ANXA8: variants seen among roughly 807,000 people sequenced by gnomAD.
ANXA8 encodes the protein annexin A8.
In ANXA8, 9 loss-of-function variants were observed where a neutral mutation model predicts 26.8. The ratio of observed to expected loss-of-function variants is 0.34; its 90% CI spans 0.20 to 0.59. ANXA8 has a LOEUF of 0.59. Ranked by LOEUF, ANXA8 falls within the 20% of genes least tolerant of loss-of-function variation. The probability of loss-of-function intolerance (pLI) is 0.84; values close to 1 mark genes in which losing one functional copy is unlikely to be tolerated. For synonymous variants in ANXA8, 39 were observed against 94.8 expected, an observed-to-expected ratio of 0.41 and a Z score of 3.42; for missense variants, 83 against 238.5, an observed-to-expected ratio of 0.35 and a Z score of 4.29.
the ANXA8 span, among the ~76,000 whole-genome samples, chr10:47,898,994 C>A: frequency 5.3e-5 from 8 of 149,562 alleles, no homozygotes; most frequent in Non-Finnish European, 1.0e-4. Flanking sequence ...CCACAATGAT[C>A]AGCTAATTTT....
At chr10:47,977,598 A>T in the ANXA8 span, among the ~76,000 whole-genome samples, 8 of 151,674 alleles carry the variant, frequency 5.3e-5, no homozygotes, top group East Asian at 1.5e-3. Context: ...CTTACCAAAT[A>T]CAGCATATCA....
chr10:47,705,854 T>G, the ANXA8 span, among the ~76,000 whole-genome samples: 2 of 151,530 alleles, frequency 1.3e-5, no homozygotes, highest in African/African-American at 4.9e-5. Flanking sequence ...AGTCGTGACT[T>G]TTCTGGGGGC....
At chr10:47,966,948 A>G in the ANXA8 span, among the ~76,000 whole-genome samples, 5 of 147,994 alleles carry the variant, frequency 3.4e-5, no homozygotes, top group Non-Finnish European at 7.6e-5. Context: ...ATATGAATGA[A>G]GATGATTCCA....
the ANXA8 span, among the ~76,000 whole-genome samples, chr10:47,673,542 T>C: frequency 1.3e-5 from 2 of 149,606 alleles, no homozygotes; most frequent in Non-Finnish European, 3.0e-5. Context: ...GGAGCAGGGC[T>C]GCACGAGGGC....
At chr10:47,630,492 A>T in the ANXA8 span, among the ~76,000 whole-genome samples, 4 of 149,564 alleles carry the variant, frequency 2.7e-5, no homozygotes, top group East Asian at 7.7e-4. Flanking sequence ...CATTTCAACT[A>T]AGAAAAAAGT....
At chr10:47,665,291 AT>A in the ANXA8 span, among the ~76,000 whole-genome samples, 1 of 149,934 alleles carries the variant, frequency 6.7e-6, no homozygotes, top group African/African-American at 2.5e-5. Flanking sequence ...CAACTTCATG[AT>A]TTATACATAC....
the ANXA8 span, among the ~76,000 whole-genome samples, chr10:47,648,636 T>C: frequency 8.8e-6 from 1 of 113,020 alleles, no homozygotes; most frequent in Admixed American, 9.4e-5. Context: ...CAACCTAGTC[T>C]AATGAGAAAC....
At chr10:47,762,231 G>A in the ANXA8 span, among the ~76,000 whole-genome samples, 36 of 152,102 alleles carry the variant, frequency 2.4e-4, no homozygotes, top group South Asian at 2.3e-3. Flanking sequence ...TGGGGAGGAA[G>A]AGGGGGCAAG....
the ANXA8 span, among the ~76,000 whole-genome samples, chr10:47,736,639 GTTTTCTTTTTCTT>G: frequency 6.8e-3 from 1,024 of 151,302 alleles, no homozygotes; most frequent in Non-Finnish European, 0.012. Context: ...TTTTTTTGAG[GTTTTCTTTTTCTT>G]TTTTCTTTTT....
the ANXA8 span, among the ~76,000 whole-genome samples, chr10:47,777,400 A>G: frequency 6.6e-6 from 1 of 151,858 alleles, no homozygotes; most frequent in East Asian, 1.9e-4. Flanking sequence ...CAATCCTCCC[A>G]TCTTGGCCTC....
In ANXA8 at chr10:47,474,342, G is replaced by A. The variant is rs1474775320; in HGVS notation, c.609C>T (p.Thr203=). 3 of 1,543,886 alleles carry A rather than the reference G, an allele frequency of 1.9e-6. No individual in the cohort carries two copies. The highest frequency in any genetic ancestry group is 2.6e-6 in the Non-Finnish European group (3 of 1,141,858). Residue 203 remains threonine, a synonymous_variant, in exon 8 of 12, where the codon ACC becomes ACT. Coordinates refer to ENST00000585281, the MANE Select transcript of ANXA8 (RefSeq NM_001040084.3). ...IRGTDEMKFI[T]ILCTRSATHL... is the part of the protein sequence containing the mutation. ...GAGTGGCACTGCGCGTGCACAGGAT[G>A]GTGATGAATTTCATCTCATCAGTCC...
chr10:47,724,669 C>T, the ANXA8 span, among the ~76,000 whole-genome samples: 8 of 141,138 alleles, frequency 5.7e-5, no homozygotes, highest in South Asian at 1.8e-3. Flanking sequence ...TTCTAAAAAA[C>T]ATTTTTACTG....
chr10:47,732,690 C>G, the ANXA8 span, among the ~76,000 whole-genome samples: 2 of 142,578 alleles, frequency 1.4e-5, no homozygotes, highest in African/African-American at 5.2e-5. Context: ...CACCTTTCTC[C>G]CCACTAGTAA....
chr10:47,651,577 A>G, the ANXA8 span, among the ~76,000 whole-genome samples: 39 of 150,550 alleles, frequency 2.6e-4, no homozygotes, highest in South Asian at 1.3e-3. Flanking sequence ...ACCTAAATGT[A>G]GATCAGCTGA....
chr10:47,982,835 A>T, the ANXA8 span, among the ~76,000 whole-genome samples: 40 of 12,766 alleles, frequency 3.1e-3, no homozygotes, highest in African/African-American at 5.3e-3. Context: ...TATATATATA[A>T]AATTTGATAA....
At chr10:47,611,711 A>T in the ANXA8 span, among the ~76,000 whole-genome samples, 2 of 74,514 alleles carry the variant, frequency 2.7e-5, 1 homozygote, top group East Asian at 5.3e-4. Context: ...TTTTTCTCTG[A>T]GCCTAAGGTT....
At chr10:47,685,604 G>C in the ANXA8 span, among the ~76,000 whole-genome samples, 1 of 151,754 alleles carries the variant, frequency 6.6e-6, no homozygotes, top group South Asian at 2.1e-4. Context: ...AGAGAGATTG[G>C]CTCGGTATAG....
the ANXA8 span, chr10:47,970,247 TC>T: frequency 2.6e-5 from 4 of 151,550 alleles, no homozygotes; most frequent in Non-Finnish European, 4.4e-5. Context: ...CAGTGCCACA[TC>T]CAGGCTGAGT....
At chr10:47,653,714 TG>T in the ANXA8 span, among the ~76,000 whole-genome samples, 1 of 148,994 alleles carries the variant, frequency 6.7e-6, no homozygotes, top group Non-Finnish European at 1.5e-5. Context: ...GGTGCGATCT[TG>T]GCTCACTGCA....
Sources: allele counts gnomAD v4.1 joint callset (sites outside exome capture counted in the v4.1 genomes callset), GRCh38; gene constraint gnomAD v4.1.1; transcripts MANE v1.5; gene names NCBI Gene and HGNC (gene_info 2026-07-23, HGNC 2026-07-21).